Variants in MAP2K2 observed in about 807,000 individuals in gnomAD.
MAP2K2 encodes the protein mitogen-activated protein kinase kinase 2, also known as dual specificity mitogen-activated protein kinase kinase 2.
MAP2K2 carries 24 observed loss-of-function variants against 43.7 expected under a neutral mutation model. The observed-to-expected ratio is 0.55, with a 90% confidence interval of 0.40 to 0.77. MAP2K2 has a LOEUF of 0.77. Ranked by LOEUF, MAP2K2 falls within the 30% of genes least tolerant of loss-of-function variation. MAP2K2 has a pLI of 0.00. For synonymous variants in MAP2K2, 244 were observed against 239.7 expected (o/e 1.02, Z -0.17); for missense variants, 470 against 566.8 (o/e 0.83, Z 1.73).
intron 3 of MAP2K2, among the ~76,000 whole-genome samples, chr19:4,107,712 C>T (rs570320819): frequency 1.3e-5 from 2 of 151,356 alleles, no homozygotes; most frequent in African/African-American, 2.4e-5. Context: ...GTACCCCCTA[C>T]CCCCCACAAA....
intron 10 of MAP2K2, among the ~76,000 whole-genome samples, chr19:4,091,343 T>C (rs2040852535): frequency 6.6e-6 from 1 of 152,112 alleles, no homozygotes; most frequent in Non-Finnish European, 1.5e-5. Context: ...ATTAATTAAA[T>C]ACTTTTACTT....
At chr19:4,091,283 G>A (rs934321969) in intron 10 of MAP2K2, among the ~76,000 whole-genome samples, 1 of 152,194 alleles carries the variant, frequency 6.6e-6, no homozygotes, top group African/African-American at 2.4e-5. Context: ...CCTGGACTGT[G>A]GCTCCCATGG....
At chr19:4,105,205 A>G (rs1336777777) in intron 3 of MAP2K2, among the ~76,000 whole-genome samples, 40 of 120,026 alleles carry the variant, frequency 3.3e-4, no homozygotes, top group African/African-American at 1.5e-3. Flanking sequence ...TGTGTGTGTG[A>G]TGTTTAAAAT....
At chr19:4,107,138 G>A (rs1354369650) in intron 3 of MAP2K2, among the ~76,000 whole-genome samples, 1 of 152,180 alleles carries the variant, frequency 6.6e-6, no homozygotes, top group Non-Finnish European at 1.5e-5. Context: ...GCTCACCCCT[G>A]TAATCCCAGC....
chr19:4,112,668 GC>G (rs2041168884), intron 2 of MAP2K2, among the ~76,000 whole-genome samples: 1 of 150,886 alleles, frequency 6.6e-6, no homozygotes, highest in Non-Finnish European at 1.5e-5. Context: ...GCCCCTGCCT[GC>G]CCGCCCCTGC....
intron 1 of MAP2K2, among the ~76,000 whole-genome samples, chr19:4,120,552 A>C (rs932211668): frequency 2.6e-5 from 4 of 152,184 alleles, no homozygotes; most frequent in Non-Finnish European, 5.9e-5. Context: ...CTGGGCCTCA[A>C]GTAATCCACC....
At chr19:4,102,626 G>A (rs1017145154) in intron 3 of MAP2K2, 173 bp from the exon 4 acceptor site, 8 of 893,152 alleles carry the variant, frequency 9.0e-6, no homozygotes, top group South Asian at 7.3e-5. Context: ...TTCTGCCTTT[G>A]GGTCTGAACA....
At chr19:4,123,748 G>A (rs1338773633) in intron 1 of MAP2K2, 36 bp downstream of exon 1, 67 of 1,485,160 alleles carry the variant, frequency 4.5e-5, no homozygotes, top group Non-Finnish European at 5.5e-5. Flanking sequence ...CCTGCCCCGT[G>A]CACCCCAAGC....
In MAP2K2 at chr19:4,115,122, G is replaced by A. The variant is rs933396671; in HGVS notation, c.303+2297C>T. ...AGAAGCACAGGAAGTTGCAAAAATA[G>A]TAACGAGAGTCCCGTGCGCCCTTTC... On this transcript the variant is annotated intron_variant, in intron 2 of 10. Transcript: ENST00000262948. This position sits in a 1 kb window ranked among gnomAD's most constrained non-coding sequence, Gnocchi z 4.1. Among the ~76,000 whole-genome samples the A allele has an allele frequency of 2.0e-5, 3 of 152,078 alleles. No individual in the cohort carries two copies. The highest frequency in any genetic ancestry group is 2.1e-4 in the South Asian group (1 of 4,818).
Position 4,099,193 on chromosome 19 carries a change from G to A in MAP2K2, c.919+8C>T. 6.3e-7 allele frequency: 1 copy of A among 1,595,878 alleles called. No individual in the cohort carries two copies. The highest frequency in any genetic ancestry group is 8.5e-7 in the Non-Finnish European group (1 of 1,172,602). ...GTCCAGACCGGAAGTTGCAGATTCAGGCCGTACCGCTGACGGGGCGCCCGG... is the reference window on the plus strand; with the variant it reads ...GTCCAGACCGGAAGTTGCAGATTCAAGCCGTACCGCTGACGGGGCGCCCGG... On this transcript the variant is annotated splice_region_variant and intron_variant, in intron 7 of 10. Coordinates refer to ENST00000262948, the MANE Select transcript of MAP2K2 (RefSeq NM_030662.4).
chr19:4,094,379 C>T, intron 10 of MAP2K2, 74 bp downstream of exon 10: 1 of 1,498,094 alleles, frequency 6.7e-7, no homozygotes, highest in Non-Finnish European at 9.1e-7. Context: ...GGGCCAGGCC[C>T]AGCAGCCTTA....
intron 7 of MAP2K2, among the ~76,000 whole-genome samples, chr19:4,097,560 TAAAA>T (rs375415980): frequency 1.2e-4 from 18 of 151,930 alleles, no homozygotes; most frequent in South Asian, 6.2e-4. Context: ...TCTAGTGAAT[TAAAA>T]AAAAGGCAAA....
rs145312340 is a variant in MAP2K2 at position 4,101,963 on chromosome 19, G to A, written c.528+413C>T. ...GTGCTGGAGACCGGGCAGCAGAGAC[G>A]CCCTTGGCCCCGGTGACATTTCTAA... is the stretch of plus-strand genomic sequence containing the variant. On this transcript the variant is annotated intron_variant, in intron 4 of 10. Transcript: ENST00000262948. The surrounding 1 kb of genome is among the most constrained non-coding windows in gnomAD (Gnocchi z 6.3). Among the ~76,000 whole-genome samples, 50 of 152,240 alleles carry A rather than the reference G, an allele frequency of 3.3e-4. No individual in the cohort carries two copies. The highest frequency in any genetic ancestry group is 5.9e-4 in the Non-Finnish European group (40 of 68,008).
At position 4,101,009 on chromosome 19, in the gene MAP2K2, G is replaced by A. The variant is rs372898071; in HGVS notation, c.705+10C>T. 2.6e-5 allele frequency: 40 copies of A among 1,554,168 alleles called. No homozygotes were observed. Among genetic ancestry groups the A allele is most frequent in the African/African-American group, 6.8e-5 (5 of 73,140 alleles). On this transcript the variant is annotated intron_variant, in intron 6 of 10. Transcript: ENST00000262948. This position sits in a 1 kb window ranked among gnomAD's most constrained non-coding sequence, Gnocchi z 6.3. ...AGGAGAGCTGGAGGGGAGAGCCAGC[G>A]GGGACTCACAGCCATGTAGGAGCGC...
intron 7 of MAP2K2, 22 bp from the exon 8 acceptor site, chr19:4,097,365 G>A (rs1313310664): frequency 1.2e-6 from 2 of 1,601,340 alleles, no homozygotes; most frequent in Admixed American, 1.7e-5. Flanking sequence ...GAGAGATGGA[G>A]GTGAGATGGG....
chr19:4,102,844 A>T (rs113517589), intron 3 of MAP2K2: 370 of 1,190,266 alleles, frequency 3.1e-4, no homozygotes, highest in Admixed American at 2.9e-4. Context: ...GCGCCACGGG[A>T]GGCGGCCAGG....
intron 6 of MAP2K2, 57 bp from the exon 7 acceptor site, chr19:4,099,471 CG>C: frequency 7.0e-7 from 1 of 1,432,574 alleles, no homozygotes; most frequent in Non-Finnish European, 9.6e-7. Flanking sequence ...AGCTGGAACC[CG>C]GGAGGCTTGC....
chr19:4,099,876 T>C (rs1281461919), intron 6 of MAP2K2: 6 of 212,548 alleles, frequency 2.8e-5, no homozygotes, highest in Non-Finnish European at 1.9e-5. Context: ...CTTTGGGAGG[T>C]TGAGGTGGAA....
intron 3 of MAP2K2, among the ~76,000 whole-genome samples, chr19:4,105,149 G>A (rs1021660427): frequency 7.4e-6 from 1 of 135,554 alleles, no homozygotes; most frequent in Non-Finnish European, 1.5e-5. Flanking sequence ...GACCATACAC[G>A]TCTACCGTGT....
Sources: gnomAD v4.1 joint callset for allele counts (sites outside exome capture counted in the v4.1 genomes callset) on GRCh38, gnomAD v4.1.1 for gene constraint, Gnocchi (gnomAD v3.1) non-coding constraint, MANE v1.5 for transcripts, NCBI Gene and HGNC (gene_info 2026-07-23, HGNC 2026-07-21) for gene names.